CD244: variants seen among roughly 807,000 people sequenced by gnomAD.
CD244 encodes the protein CD244 molecule, also known as natural killer cell receptor 2B4.
A neutral mutation model predicts 45.5 loss-of-function variants in CD244; 20 were observed. The ratio of observed to expected loss-of-function variants is 0.44; its 90% CI spans 0.31 to 0.64. The LOEUF (loss-of-function observed/expected upper bound fraction) is 0.64. CD244 is among the 30% of genes least tolerant of loss of function. CD244 has a pLI of 0.08. For missense variants in CD244, 407 were observed against 426.9 expected (o/e 0.95, Z 0.41); for synonymous variants, 185 against 160.5 (o/e 1.15, Z -1.15).
At chr1:160,842,311 G>T (rs774342966) in intron 1 of CD244, among the ~76,000 whole-genome samples, 1 of 152,018 alleles carries the variant, frequency 6.6e-6, no homozygotes, top group Non-Finnish European at 1.5e-5. Context: ...GTGCAGTGGC[G>T]CAATCACAGC....
chr1:160,836,150 C>A (rs748380625), intron 6 of CD244, 45 bp downstream of exon 6: 1 of 1,453,926 alleles, frequency 6.9e-7, no homozygotes. Context: ...CATTAGGAAA[C>A]CCCAGAGATA....
chr1:160,859,985 T>C (rs1670239317), intron 1 of CD244, among the ~76,000 whole-genome samples: 2 of 151,970 alleles, frequency 1.3e-5, no homozygotes, highest in African/African-American at 4.8e-5. Flanking sequence ...GGTGGGTGGA[T>C]CACTTGAGGT....
At chr1:160,835,839 G>T (rs1557831571) in intron 6 of CD244, among the ~76,000 whole-genome samples, 1 of 152,172 alleles carries the variant, frequency 6.6e-6, no homozygotes, top group East Asian at 1.9e-4. Context: ...GAATATAATA[G>T]GGAATAGGGA....
At chr1:160,847,417 T>G (rs1407700489) in intron 1 of CD244, among the ~76,000 whole-genome samples, 1 of 152,090 alleles carries the variant, frequency 6.6e-6, no homozygotes, top group Non-Finnish European at 1.5e-5. Context: ...CAAGTGCACA[T>G]GCAATAGTTA....
At chr1:160,832,636 T>G in intron 7 of CD244, 61 bp from the exon 8 acceptor site, 1 of 1,604,552 alleles carries the variant, frequency 6.2e-7, no homozygotes, top group Non-Finnish European at 8.5e-7. Context: ...CACTCCTAAG[T>G]GATGTGAGAG....
intron 1 of CD244, among the ~76,000 whole-genome samples, chr1:160,846,142 T>G: frequency 6.6e-6 from 1 of 152,106 alleles, no homozygotes; most frequent in East Asian, 1.9e-4. Flanking sequence ...TGTGAGTCGG[T>G]GCACCCATCA....
At position 160,841,378 on chromosome 1, in the gene CD244, C is replaced by G; in HGVS notation, c.487G>C (p.Ala163Pro). 6.2e-7 allele frequency: 1 copy of G among 1,614,202 alleles called. No individual in the cohort carries two copies. The highest frequency in any genetic ancestry group is 1.3e-5 in the African/African-American group (1 of 75,056). ...ATCAGCTTGCTCCCTCTGTACCAAG[C>G]ATAGGACACATTGCCATCCCTGGAG... is the stretch of plus-strand genomic sequence containing the variant. ...LVSRDGNVSY[A>P]WYRGSKLIQT... The change falls in exon 3 of 9, where the codon GCT becomes CCT. Residue 163 changes from alanine to proline, a missense_variant. Physicochemically the swap from Ala to Pro is conservative, Grantham distance 27 (BLOSUM62 -1). Coordinates refer to ENST00000368034, the MANE Select transcript of CD244 (RefSeq NM_016382.4).
chr1:160,834,857 A>C (rs914631941), intron 6 of CD244, among the ~76,000 whole-genome samples: 1 of 152,194 alleles, frequency 6.6e-6, no homozygotes, highest in African/African-American at 2.4e-5. Flanking sequence ...CCTGGACTGG[A>C]ACCAGGTGTC....
chr1:160,832,434 T>C, intron 8 of CD244, 85 bp downstream of exon 8: 1 of 812,028 alleles, frequency 1.2e-6, no homozygotes, highest in East Asian at 2.5e-5. Flanking sequence ...GTGTGAATGA[T>C]CTTTTCCTAA....
chr1:160,862,422 A>G (rs11265500), intron 1 of CD244, among the ~76,000 whole-genome samples, 195 bp downstream of exon 1: 54,844 of 152,052 alleles, frequency 0.36, 13,899 homozygotes, highest in African/African-American at 0.72. Context: ...AGGGCCAGAT[A>G]CCCCTCTCAC....
At chr1:160,862,111 G>A (rs73025708) in intron 1 of CD244, among the ~76,000 whole-genome samples, 3,458 of 152,272 alleles carry the variant, frequency 0.023, 101 homozygotes, top group African/African-American at 0.076. Flanking sequence ...CATCTGGATG[G>A]CTGAAGAAGC....
intron 1 of CD244, among the ~76,000 whole-genome samples, chr1:160,845,133 T>C (rs1292281441): frequency 6.6e-6 from 1 of 152,160 alleles, no homozygotes; most frequent in Admixed American, 6.5e-5. Context: ...AAATAGGTAG[T>C]TGTTTTAAAC....
chr1:160,862,515 A>G, intron 1 of CD244, 102 bp downstream of exon 1: 1 of 992,242 alleles, frequency 1.0e-6, no homozygotes, highest in Non-Finnish European at 1.5e-6. Context: ...CAAGTTCCAG[A>G]TGACTGTGTA....
chr1:160,853,797 A>G (rs1207636709), intron 1 of CD244, among the ~76,000 whole-genome samples: 1 of 151,716 alleles, frequency 6.6e-6, no homozygotes, highest in East Asian at 1.9e-4. Flanking sequence ...AAAAAAAAAA[A>G]AAAAAAAAAA....
At chr1:160,860,564 G>A (rs1027063727) in intron 1 of CD244, among the ~76,000 whole-genome samples, 2 of 152,172 alleles carry the variant, frequency 1.3e-5, no homozygotes, top group African/African-American at 4.8e-5. Context: ...AGTAACATGA[G>A]AATGTCTTTG....
intron 5 of CD244, among the ~76,000 whole-genome samples, chr1:160,837,576 C>T (rs1040531288): frequency 6.6e-6 from 1 of 152,222 alleles, no homozygotes; most frequent in African/African-American, 2.4e-5. Context: ...AGGATGCTTG[C>T]CTGCTCTGCG....
At chr1:160,832,784 TAATATG>T (rs1172151298) in intron 7 of CD244, 1 of 1,035,976 alleles carries the variant, frequency 9.7e-7, no homozygotes, top group Non-Finnish European at 1.4e-6. Context: ...TATTTGCCTA[TAATATG>T]ATATTTCTGA....
At chr1:160,858,039 C>T (rs1670170229) in intron 1 of CD244, among the ~76,000 whole-genome samples, 1 of 150,204 alleles carries the variant, frequency 6.7e-6, no homozygotes, top group South Asian at 2.1e-4. Context: ...AGAGCAAGAC[C>T]CTGTCTCACA....
rs1001441674 is a variant in CD244 at position 160,857,170 on chromosome 1, A to G, written c.61+5447T>C. On this transcript the variant is annotated intron_variant, in intron 1 of 8. Transcript: ENST00000368034. ...TTCCACAATTTAATTTTCCATCTGC[A>G]GACCTTCAGAACCAAAAGCCAGTGG... Among the ~76,000 whole-genome samples the G allele has an allele frequency of 1.4e-4, 21 of 152,222 alleles. 1 individual carries two copies. The highest frequency in any genetic ancestry group is 5.1e-4 in the African/African-American group (21 of 41,446).
Sources: allele counts gnomAD v4.1 joint callset (sites outside exome capture counted in the v4.1 genomes callset), GRCh38; gene constraint gnomAD v4.1.1; transcripts MANE v1.5; gene names NCBI Gene and HGNC (gene_info 2026-07-23, HGNC 2026-07-21).